CCNJL: variants seen among roughly 807,000 people sequenced by gnomAD.
CCNJL encodes the protein cyclin J like.
A neutral mutation model predicts 33.4 loss-of-function variants in CCNJL; 33 were observed. The ratio of observed to expected loss-of-function variants is 0.99; its 90% CI spans 0.75 to 1.32. The LOEUF (loss-of-function observed/expected upper bound fraction) is 1.32. CCNJL is among the 40% of genes most tolerant of loss of function. CCNJL has a pLI of 0.00. For synonymous variants in CCNJL, 227 were observed against 220.9 expected, an observed-to-expected ratio of 1.03 and a Z score of -0.24; for missense variants, 512 against 499.7, an observed-to-expected ratio of 1.02 and a Z score of -0.23.
intron 2 of CCNJL, among the ~76,000 whole-genome samples, chr5:160,302,958 G>A (rs1409170673): frequency 6.6e-6 from 1 of 152,162 alleles, no homozygotes. Context: ...AGAAATTGGG[G>A]TCAGTGGTAT....
intron 3 of CCNJL, among the ~76,000 whole-genome samples, chr5:160,261,840 G>T (rs1211330039): frequency 2.6e-5 from 4 of 152,198 alleles, no homozygotes; most frequent in Admixed American, 2.6e-4. Context: ...TCTAAGCCTT[G>T]TAAGAATAGG....
chr5:160,323,215 A>G lies in CCNJL; in HGVS notation n.207-7710T>C, dbSNP rs538555273. On this transcript the variant is annotated intron_variant and non_coding_transcript_variant, in intron 1 of 7. Transcript: ENST00000377503. ...GTGACACTGCACTCCAGCCTGGGCAACAGAGCGAGACTCCAACTCAAAAAA... is the reference window on the plus strand; with the variant it reads ...GTGACACTGCACTCCAGCCTGGGCAGCAGAGCGAGACTCCAACTCAAAAAA... Among the ~76,000 whole-genome samples the G allele has an allele frequency of 1.1e-3, 160 of 151,192 alleles. 1 individual carries two copies. The highest frequency in any genetic ancestry group is 1.9e-3 in the Non-Finnish European group (132 of 67,814).
At chr5:160,310,043 T>C (rs1195133365) in intron 2 of CCNJL, among the ~76,000 whole-genome samples, 1 of 152,188 alleles carries the variant, frequency 6.6e-6, no homozygotes, top group East Asian at 1.9e-4. Context: ...CTCAGGTAAC[T>C]AAACAAATGG....
At chr5:160,307,627 C>T (rs957226519) in intron 2 of CCNJL, among the ~76,000 whole-genome samples, 8 of 152,150 alleles carry the variant, frequency 5.3e-5, no homozygotes, top group African/African-American at 1.9e-4. Context: ...GTGACGCCAG[C>T]CTGGTGACAA....
At position 160,253,513 on chromosome 5, in the gene CCNJL, A is replaced by T; in HGVS notation, c.1029T>A (p.Cys343Ter). The T allele has an allele frequency of 6.2e-7, 1 of 1,614,164 alleles. No individual in the cohort carries two copies. Among genetic ancestry groups the T allele is most frequent in the Non-Finnish European group, 8.5e-7 (1 of 1,180,026 alleles). ...TAAGGGATGCAGGGACGGGCACGGG[A>T]CACATATCCAAGGGCTGCAGCGGTT... is the stretch of plus-strand genomic sequence containing the variant. The part of the protein sequence containing the change: ...PYQPLQPLDM[C>*]PVPVPASLSM... Residue 343 changes from cysteine (C) to a stop codon, truncating the protein, a stop_gained, in exon 6 of 6, where the codon TGT (cysteine) becomes TGA (stop). Transcript: ENST00000257536. LOFTEE classifies it high-confidence loss of function.
At chr5:160,276,284 C>T (rs1762005470) in intron 3 of CCNJL, 1 of 119,538 alleles carries the variant, frequency 8.4e-6, no homozygotes, top group African/African-American at 3.4e-5. Context: ...GTCTCAGCTA[C>T]TTGGGGCGGT....
chr5:160,268,364 A>G (rs1171039939), intron 3 of CCNJL, among the ~76,000 whole-genome samples: 1 of 152,240 alleles, frequency 6.6e-6, no homozygotes, highest in Admixed American at 6.5e-5. Context: ...GGTAAGTCAC[A>G]ACTTCTTGGA....
intron 2 of CCNJL, among the ~76,000 whole-genome samples, chr5:160,283,198 G>A (rs938100448): frequency 2.0e-5 from 3 of 151,350 alleles, no homozygotes; most frequent in Non-Finnish European, 2.9e-5. Flanking sequence ...TGTTACAGCA[G>A]GGGTGAATCT....
chr5:160,271,851 C>T lies in CCNJL; in HGVS notation c.280+8674G>A, dbSNP rs192444597. 1.1e-3 allele frequency among the ~76,000 whole-genome samples: 172 copies of T among 152,348 alleles called. 2 individuals are homozygous for T. The highest frequency in any genetic ancestry group is 0.01 in the South Asian group (50 of 4,828). On this transcript the variant is annotated intron_variant, in intron 3 of 5. Coordinates refer to ENST00000257536, the MANE Select transcript of CCNJL (RefSeq NM_001308173.3). ...GCTCAAGCATTTCAAATGCTCTCCA[C>T]GGCAGGAAGGAAATGGAGTTTCCTC...
rs760664611 is a variant in CCNJL, at chr5:160,259,605, G to A, written c.447C>T (p.His149=). ...SWNLCLPTPA[H]FLDYYLLASV... is the part of the protein sequence containing the mutation. ...AGGCCAAGAGGTAGTAGTCCAGGAA[G>A]TGGGCAGGCGTGGGCAGGCAGAGGT... The change falls in exon 4 of 6, where the codon CAC becomes CAT. Residue 149 remains histidine, a synonymous_variant. Coordinates refer to ENST00000257536, the MANE Select transcript of CCNJL (RefSeq NM_001308173.3). 1 of 1,614,196 alleles carries A rather than the reference G, an allele frequency of 6.2e-7. No individual in the cohort carries two copies. Among genetic ancestry groups the A allele is most frequent in the Non-Finnish European group, 8.5e-7 (1 of 1,180,032 alleles).
intron 2 of CCNJL, among the ~76,000 whole-genome samples, chr5:160,304,499 C>CT (rs1305140740): frequency 1.8e-4 from 28 of 152,274 alleles, no homozygotes; most frequent in African/African-American, 6.5e-4. Flanking sequence ...GGGCAGACTG[C>CT]TTCAGGTCTC....
chr5:160,321,073 T>G (rs1183052105), intron 1 of CCNJL, among the ~76,000 whole-genome samples: 1 of 116,006 alleles, frequency 8.6e-6, no homozygotes, highest in Non-Finnish European at 1.7e-5. Context: ...TTTCTTTCTT[T>G]CTTTCTTTCT....
chr5:160,326,663 G>A (rs548211171), intron 1 of CCNJL: 25 of 765,616 alleles, frequency 3.3e-5, no homozygotes, highest in Non-Finnish European at 4.9e-5. Flanking sequence ...TGAAATCAGC[G>A]GGTGGGTGTG....
chr5:160,303,728 C>CTG (rs1352056435), intron 2 of CCNJL, among the ~76,000 whole-genome samples: 3 of 94,216 alleles, frequency 3.2e-5, no homozygotes, highest in Non-Finnish European at 4.5e-5. Flanking sequence ...GTGTGTGTGT[C>CTG]TGTGTGTGTG....
In CCNJL at chr5:160,272,502, G is replaced by T. The variant is rs1183825980; in HGVS notation, c.280+8023C>A. ...TGGATAGGGAAAGGCAGAAATGCAG[G>T]GCAAAGGCTCTCGTGGCTGGGAGCA... On this transcript the variant is annotated intron_variant, in intron 3 of 5. Transcript: ENST00000257536. 2.0e-5 allele frequency among the ~76,000 whole-genome samples: 3 copies of T among 152,196 alleles called. No individual in the cohort carries two copies. In the East Asian group the frequency reaches 5.8e-4, roughly 29 times the overall value.
intron 2 of CCNJL, among the ~76,000 whole-genome samples, chr5:160,311,539 C>T (rs185573981): frequency 6.6e-6 from 1 of 152,306 alleles, no homozygotes; most frequent in East Asian, 1.9e-4. Flanking sequence ...TTAAAGACCC[C>T]TTCACGTACG....
intron 3 of CCNJL, among the ~76,000 whole-genome samples, chr5:160,269,242 C>T (rs908895778): frequency 4.6e-5 from 7 of 152,198 alleles, no homozygotes; most frequent in African/African-American, 1.7e-4. Context: ...CCTCAGGCAA[C>T]CCCTGGTTCC....
At chr5:160,279,206 A>G (rs1762125484) in intron 3 of CCNJL, among the ~76,000 whole-genome samples, 1 of 152,234 alleles carries the variant, frequency 6.6e-6, no homozygotes, top group African/African-American at 2.4e-5. Flanking sequence ...TGCAGCACCA[A>G]GCAGGATGAA....
At chr5:160,301,063 T>A (rs779412854) in intron 2 of CCNJL, among the ~76,000 whole-genome samples, 1 of 152,174 alleles carries the variant, frequency 6.6e-6, no homozygotes, top group African/African-American at 2.4e-5. Flanking sequence ...TTCCTGAGCA[T>A]ACTGACAGAT....
Sources: gnomAD v4.1 joint callset for allele counts (sites outside exome capture counted in the v4.1 genomes callset) on GRCh38, gnomAD v4.1.1 for gene constraint, MANE v1.5 for transcripts, NCBI Gene and HGNC (gene_info 2026-07-23, HGNC 2026-07-21) for gene names.